Variants in CEP63 observed in about 807,000 individuals in gnomAD.
CEP63 encodes centrosomal protein of 63 kDa.
A neutral mutation model predicts 89.1 loss-of-function variants in CEP63; 84 were observed. The observed-to-expected ratio is 0.94, with a 90% CI of 0.79 to 1.13. The LOEUF (loss-of-function observed/expected upper bound fraction) is 1.13, where lower values mean the gene tolerates loss of function less well. Ranked by LOEUF, CEP63 falls within the 50% of genes most tolerant of loss-of-function variation. The probability of loss-of-function intolerance (pLI) is 0.00; values close to 1 mark genes in which losing one functional copy is unlikely to be tolerated. For synonymous variants in CEP63, 267 were observed against 272.5 expected (o/e 0.98, Z 0.20); for missense variants, 838 against 813.3 (o/e 1.03, Z -0.37).
chr3:134,516,310 T>C (rs1406891118), intron 3 of CEP63, among the ~76,000 whole-genome samples: 9 of 152,204 alleles, frequency 5.9e-5, no homozygotes, highest in Admixed American at 5.9e-4. Flanking sequence ...ATGTCCCACC[T>C]CCAGCCCTGA....
the CEP63 span, among the ~76,000 whole-genome samples, chr3:134,686,716 G>C: frequency 6.6e-6 from 1 of 152,208 alleles, no homozygotes; most frequent in Non-Finnish European, 1.5e-5. Context: ...GCTAATGGGT[G>C]CTTCTTGAGT....
the CEP63 span, among the ~76,000 whole-genome samples, chr3:134,729,606 C>T: frequency 1.3e-5 from 2 of 152,200 alleles, no homozygotes; most frequent in East Asian, 1.9e-4. Flanking sequence ...TGCATTTTTC[C>T]CCCCATTAGT....
At chr3:134,762,439 T>G in the CEP63 span, among the ~76,000 whole-genome samples, 1 of 152,148 alleles carries the variant, frequency 6.6e-6, no homozygotes, top group Non-Finnish European at 1.5e-5. Context: ...CCTCTAAAAT[T>G]CGTATGTTGA....
chr3:134,586,317 G>A (rs184221374), intron 10 of CEP63, among the ~76,000 whole-genome samples: 4 of 152,256 alleles, frequency 2.6e-5, no homozygotes, highest in South Asian at 2.1e-4. Flanking sequence ...GCATGTTTTT[G>A]CAGTGGCTGG....
chr3:134,682,336 C>A, the CEP63 span, among the ~76,000 whole-genome samples: 1 of 152,084 alleles, frequency 6.6e-6, no homozygotes, highest in African/African-American at 2.4e-5. Flanking sequence ...AGTCTGCAAT[C>A]GTACTGAGAG....
the CEP63 span, among the ~76,000 whole-genome samples, chr3:134,773,404 GC>G: frequency 6.6e-6 from 1 of 152,150 alleles, no homozygotes; most frequent in African/African-American, 2.4e-5. Context: ...TATCCACTTA[GC>G]ACAGGCAAAA....
In CEP63 at chr3:134,564,361, A is replaced by G. The variant is rs1402715649; in HGVS notation, c.*2826A>G. 2.0e-6 allele frequency: 2 copies of G among 985,088 alleles called. No homozygotes were observed. The highest frequency in any genetic ancestry group is 3.5e-5 in the African/African-American group (2 of 57,094). The allele number at this position is 985,088 out of a possible 1,614,324, so 61.0% of individuals were successfully genotyped here. On this transcript the variant is annotated 3_prime_UTR_variant, in exon 15 of 15. Transcript: ENST00000675561. ...CATGTGCTCCTAAAACTCCCCCTTTACTTGGCTACTTTATCTGGCTTGGCA... is the reference window on the plus strand; with the variant it reads ...CATGTGCTCCTAAAACTCCCCCTTTGCTTGGCTACTTTATCTGGCTTGGCA...
chr3:134,580,786 C>T (rs148973666), intron 10 of CEP63, among the ~76,000 whole-genome samples: 4 of 152,174 alleles, frequency 2.6e-5, no homozygotes, highest in Non-Finnish European at 4.4e-5. Context: ...CACATGTGAA[C>T]GACAGCCCTC....
chr3:134,727,738 A>T, the CEP63 span, among the ~76,000 whole-genome samples: 1 of 152,218 alleles, frequency 6.6e-6, no homozygotes, highest in Non-Finnish European at 1.5e-5. Flanking sequence ...TGCCTAAAAT[A>T]CTCTGGGTGA....
the CEP63 span, among the ~76,000 whole-genome samples, chr3:134,629,099 T>C: frequency 6.6e-6 from 1 of 152,186 alleles, no homozygotes; most frequent in Non-Finnish European, 1.5e-5. Flanking sequence ...CCTGGGCCTA[T>C]GTGCACTGCA....
downstream of CEP63, among the ~76,000 whole-genome samples, chr3:134,589,991 T>C (rs1184745719): frequency 6.6e-6 from 1 of 152,072 alleles, no homozygotes; most frequent in Non-Finnish European, 1.5e-5. Flanking sequence ...TGAACTAACA[T>C]AGGAACAGAA....
intron 10 of CEP63, among the ~76,000 whole-genome samples, chr3:134,587,011 G>A (rs111432381): frequency 0.018 from 2,730 of 152,196 alleles, 66 homozygotes; most frequent in African/African-American, 0.053. Context: ...CATGCATCAC[G>A]AAGTTCTCGT....
chr3:134,717,756 A>G, the CEP63 span, among the ~76,000 whole-genome samples: 1 of 152,250 alleles, frequency 6.6e-6, no homozygotes, highest in Non-Finnish European at 1.5e-5. Context: ...GCCTGAGAGC[A>G]AGAATGAAGA....
the CEP63 span, among the ~76,000 whole-genome samples, chr3:134,682,334 A>G: frequency 1.3e-5 from 2 of 152,148 alleles, no homozygotes; most frequent in South Asian, 2.1e-4. Flanking sequence ...TGAGTCTGCA[A>G]TCGTACTGAG....
chr3:134,626,889 C>A, the CEP63 span, among the ~76,000 whole-genome samples: 1 of 152,204 alleles, frequency 6.6e-6, no homozygotes, highest in Non-Finnish European at 1.5e-5. Flanking sequence ...CTTTTCAGTG[C>A]CCTCTTGCTC....
the CEP63 span, among the ~76,000 whole-genome samples, chr3:134,610,970 G>A: frequency 1.3e-5 from 2 of 152,200 alleles, no homozygotes; most frequent in Non-Finnish European, 2.9e-5. Flanking sequence ...GGGGAACCCC[G>A]GGGCAGGCGG....
the CEP63 span, among the ~76,000 whole-genome samples, chr3:134,711,783 G>A: frequency 6.9e-6 from 1 of 144,280 alleles, no homozygotes; most frequent in African/African-American, 2.6e-5. Flanking sequence ...TTTTTTTTGA[G>A]ACAGAGTCTT....
chr3:134,499,215 CATT>C (rs1272814973), intron 2 of CEP63, among the ~76,000 whole-genome samples: 2 of 152,122 alleles, frequency 1.3e-5, no homozygotes, highest in Non-Finnish European at 2.9e-5. Context: ...TCATGTTACT[CATT>C]ATTGGTCTTT....
the CEP63 span, among the ~76,000 whole-genome samples, chr3:134,647,776 A>T: frequency 1.3e-5 from 2 of 151,986 alleles, no homozygotes; most frequent in Admixed American, 6.5e-5. Context: ...TTCCACTTCC[A>T]CCTCTCCACT....
Sources: allele counts gnomAD v4.1 joint callset (sites outside exome capture counted in the v4.1 genomes callset), GRCh38; gene constraint gnomAD v4.1.1; transcripts MANE v1.5; gene names NCBI Gene and HGNC (gene_info 2026-07-23, HGNC 2026-07-21).